Variants in UNC5D observed in about 807,000 individuals in gnomAD.
UNC5D encodes netrin receptor UNC5D.
UNC5D carries 39 observed loss-of-function variants against 105.4 expected under a neutral mutation model. That is an observed-to-expected ratio of 0.37 (90% confidence interval 0.29 to 0.48). UNC5D has a LOEUF of 0.48. Among genes scored for constraint, UNC5D ranks in the 20% least tolerant of loss-of-function variants. UNC5D has a pLI of 0.98. For missense variants in UNC5D, 991 were observed against 1,202.4 expected (o/e 0.82, Z 2.60); for synonymous variants, 452 against 450.4 (o/e 1.00, Z -0.04).
intron 8 of UNC5D, 83 bp downstream of exon 8, chr8:35,706,044 A>G: frequency 1.1e-6 from 1 of 924,284 alleles, no homozygotes; most frequent in Non-Finnish European, 1.6e-6. Flanking sequence ...GCTGAGCAGA[A>G]TTGAAGTTCC....
At chr8:35,487,892 T>A (rs1172783584) in intron 1 of UNC5D, among the ~76,000 whole-genome samples, 1 of 152,192 alleles carries the variant, frequency 6.6e-6, no homozygotes, top group Non-Finnish European at 1.5e-5. Flanking sequence ...GGCAAAGGAC[T>A]TGATTGACTT....
intron 1 of UNC5D, among the ~76,000 whole-genome samples, chr8:35,519,032 A>C (rs2130432618): frequency 6.6e-6 from 1 of 152,292 alleles, no homozygotes; most frequent in South Asian, 2.1e-4. Flanking sequence ...AATGAAGAAC[A>C]GCTACAAACT....
chr8:35,422,474 G>T (rs1444844947), intron 1 of UNC5D, among the ~76,000 whole-genome samples: 1 of 152,172 alleles, frequency 6.6e-6, no homozygotes, highest in African/African-American at 2.4e-5. Flanking sequence ...ATACCTAGTA[G>T]GAGACCACTC....
At chr8:35,411,082 C>T (rs1410321492) in intron 1 of UNC5D, among the ~76,000 whole-genome samples, 3 of 151,890 alleles carry the variant, frequency 2.0e-5, no homozygotes, top group Non-Finnish European at 4.4e-5. Flanking sequence ...TATTGGTAGA[C>T]CTGGGAGATA....
intron 4 of UNC5D, among the ~76,000 whole-genome samples, chr8:35,649,043 A>G (rs926776311): frequency 6.6e-5 from 10 of 152,196 alleles, no homozygotes; most frequent in Admixed American, 2.6e-4. Context: ...ATTACATACT[A>G]AGATTTAGCT....
At chr8:35,431,850 C>T (rs1302270244) in intron 1 of UNC5D, among the ~76,000 whole-genome samples, 7 of 151,882 alleles carry the variant, frequency 4.6e-5, no homozygotes, top group Non-Finnish European at 8.8e-5. Context: ...TTTATGAATT[C>T]GGATTTAACT....
intron 1 of UNC5D, among the ~76,000 whole-genome samples, chr8:35,422,236 T>C (rs1805961759): frequency 6.6e-6 from 1 of 152,180 alleles, no homozygotes. Flanking sequence ...TGCTTATTAA[T>C]GGGACTCTCT....
intron 3 of UNC5D, among the ~76,000 whole-genome samples, chr8:35,580,548 A>G (rs1364658911): frequency 6.7e-6 from 1 of 149,460 alleles, no homozygotes; most frequent in Non-Finnish European, 1.5e-5. Context: ...TAAGACTGAA[A>G]GAAAAAAAAA....
At chr8:35,264,163 G>A (rs182076854) in intron 1 of UNC5D, among the ~76,000 whole-genome samples, 6 of 152,104 alleles carry the variant, frequency 3.9e-5, no homozygotes, top group Non-Finnish European at 8.8e-5. Context: ...TCTAGCTATC[G>A]CATATAAAGA....
At chr8:35,637,880 G>A (rs771557396) in intron 4 of UNC5D, among the ~76,000 whole-genome samples, 108 of 152,202 alleles carry the variant, frequency 7.1e-4, no homozygotes, top group South Asian at 8.3e-4. Flanking sequence ...GAGTTTTGCT[G>A]ACCTTGCTCT....
At chr8:35,698,707 G>A (rs1195783076) in intron 7 of UNC5D, among the ~76,000 whole-genome samples, 5 of 151,980 alleles carry the variant, frequency 3.3e-5, no homozygotes, top group African/African-American at 4.8e-5. Context: ...TGTAAATCAC[G>A]TGGCAATAAA....
chr8:35,641,366 C>CAAAAAAAAAAAAAAAAAAAAAAAAAAAGA (rs377021599), intron 4 of UNC5D, among the ~76,000 whole-genome samples: 1 of 44,292 alleles, frequency 2.3e-5, no homozygotes, highest in African/African-American at 8.5e-5. Context: ...AAAAATAAAG[C>CAAAAAAAAAAAAAAAAAAAAAAAAAAAGA]AAAAAAAAAA....
chr8:35,292,986 C>A (rs1807192671), intron 1 of UNC5D, among the ~76,000 whole-genome samples: 3 of 152,158 alleles, frequency 2.0e-5, no homozygotes, highest in Middle Eastern at 3.4e-3. Flanking sequence ...CCATGCCTGG[C>A]TGCTGTATTC....
intron 1 of UNC5D, among the ~76,000 whole-genome samples, chr8:35,482,232 G>T (rs867207742): frequency 1.3e-5 from 2 of 152,176 alleles, no homozygotes; most frequent in African/African-American, 4.8e-5. Flanking sequence ...TTCCCTTATG[G>T]ATGGATTTGT....
intron 1 of UNC5D, among the ~76,000 whole-genome samples, chr8:35,310,744 T>C (rs1456595612): frequency 6.6e-6 from 1 of 152,214 alleles, no homozygotes; most frequent in African/African-American, 2.4e-5. Flanking sequence ...TGTCTCTTCA[T>C]CTTCTTTTTA....
intron 1 of UNC5D, among the ~76,000 whole-genome samples, chr8:35,481,267 T>C (rs1452898648): frequency 6.6e-6 from 1 of 152,180 alleles, no homozygotes; most frequent in Non-Finnish European, 1.5e-5. Flanking sequence ...AGAGTTGTAA[T>C]GTCATCCCTG....
chr8:35,597,992 A>G (rs747456616), intron 4 of UNC5D, among the ~76,000 whole-genome samples: 5 of 152,002 alleles, frequency 3.3e-5, no homozygotes, highest in African/African-American at 1.2e-4. Context: ...TCTCTCTCAG[A>G]TGCACCAGCC....
intron 1 of UNC5D, among the ~76,000 whole-genome samples, chr8:35,365,665 A>T (rs1004064617): frequency 6.7e-6 from 1 of 148,592 alleles, no homozygotes; most frequent in African/African-American, 2.5e-5. Context: ...GGCAGAGGAG[A>T]TGTAAGCTAA....
At chr8:35,721,671 G>A (rs2131533708) in intron 8 of UNC5D, among the ~76,000 whole-genome samples, 1 of 152,246 alleles carries the variant, frequency 6.6e-6, no homozygotes, top group Middle Eastern at 3.4e-3. Context: ...CTTTTAATCT[G>A]AATGATTTGT....
Sources: gnomAD v4.1 joint callset for allele counts (sites outside exome capture counted in the v4.1 genomes callset) on GRCh38, gnomAD v4.1.1 for gene constraint, MANE v1.5 for transcripts, NCBI Gene and HGNC (gene_info 2026-07-23, HGNC 2026-07-21) for gene names.